The following PSMB1 variants were observed in gnomAD, a reference collection of about 807,000 sequenced individuals.
PSMB1 encodes the protein proteasome subunit beta type-1.
PSMB1 carries 7 observed loss-of-function variants against 25.4 expected under a neutral mutation model. The observed-to-expected ratio is 0.28, with a 90% CI of 0.16 to 0.52. The LOEUF (loss-of-function observed/expected upper bound fraction) is 0.52, where lower values mean the gene tolerates loss of function less well. PSMB1 is among the 20% of genes least tolerant of loss of function. The pLI, the probability that PSMB1 is intolerant of heterozygous loss-of-function variation, is 0.97. For missense variants in PSMB1, 284 were observed against 302.2 expected (o/e 0.94, Z 0.45); for synonymous variants, 119 against 115.0 (o/e 1.03, Z -0.22).
chr6:170,545,370 G>T (rs912435489), intron 3 of PSMB1, among the ~76,000 whole-genome samples: 2 of 152,062 alleles, frequency 1.3e-5, no homozygotes, highest in African/African-American at 4.8e-5. Context: ...GCCAATAAAT[G>T]TAAGTCACTA....
intron 5 of PSMB1, among the ~76,000 whole-genome samples, chr6:170,535,650 C>T (rs1778681115): frequency 1.3e-5 from 2 of 152,234 alleles, no homozygotes; most frequent in Non-Finnish European, 2.9e-5. Flanking sequence ...GAGAGGTGGA[C>T]GTATGCAAGC....
rs60162315 is a variant in PSMB1, at chr6:170,537,370, T to C, written c.434-30A>G. ...AAGAAGAAAACAGTATTCATAAGGA[T>C]GGTATCCAATCACAATCCCAAATCA... On this transcript the variant is annotated intron_variant, in intron 4 of 5. Coordinates refer to ENST00000262193, the MANE Select transcript of PSMB1 (RefSeq NM_002793.4). The C allele has an allele frequency of 4.8e-3, 7,334 of 1,524,596 alleles. 245 individuals are homozygous for C. The highest frequency in any genetic ancestry group is 0.011 in the East Asian group (481 of 44,060). 94.4% of individuals were successfully genotyped at this position (1,524,596 alleles called of 1,614,324 possible).
At chr6:170,541,367 C>T (rs748484643) in intron 4 of PSMB1, among the ~76,000 whole-genome samples, 4 of 151,960 alleles carry the variant, frequency 2.6e-5, no homozygotes, top group African/African-American at 9.7e-5. Flanking sequence ...TGCTACTTGG[C>T]GCAACAAAGA....
chr6:170,546,603 T>C (rs1198843251), intron 2 of PSMB1, among the ~76,000 whole-genome samples: 1 of 152,158 alleles, frequency 6.6e-6, no homozygotes, highest in African/African-American at 2.4e-5. Flanking sequence ...GTATCTGGGA[T>C]TACAGGCACC....
At chr6:170,551,120 T>A (rs1222675715) in intron 1 of PSMB1, among the ~76,000 whole-genome samples, 1 of 152,020 alleles carries the variant, frequency 6.6e-6, no homozygotes, top group African/African-American at 2.4e-5. Context: ...CCGGCCTGGG[T>A]GACAGAGTGA....
At chr6:170,546,693 T>C (rs1189970132) in intron 2 of PSMB1, among the ~76,000 whole-genome samples, 1 of 152,190 alleles carries the variant, frequency 6.6e-6, no homozygotes, top group Non-Finnish European at 1.5e-5. Flanking sequence ...CTCAAACTCC[T>C]GACCTCAGGT....
At chr6:170,544,143 T>C (rs998637974) in intron 3 of PSMB1, among the ~76,000 whole-genome samples, 1 of 152,182 alleles carries the variant, frequency 6.6e-6, no homozygotes, top group East Asian at 1.9e-4. Flanking sequence ...ATGAATATTG[T>C]CCGTGGCTGC....
At chr6:170,537,621 G>A (rs1359446163) in intron 4 of PSMB1, among the ~76,000 whole-genome samples, 2 of 152,048 alleles carry the variant, frequency 1.3e-5, no homozygotes, top group Non-Finnish European at 2.9e-5. Flanking sequence ...CTGTAGGCTT[G>A]GGAGTTAAAA....
At chr6:170,537,109 T>C (rs1778703649) in intron 5 of PSMB1, 125 bp downstream of exon 5, 1 of 705,664 alleles carries the variant, frequency 1.4e-6, no homozygotes, top group African/African-American at 1.8e-5. Context: ...AACAGTAATT[T>C]ATAAGAAAGT....
At chr6:170,546,713 G>T (rs182533004) in intron 2 of PSMB1, among the ~76,000 whole-genome samples, 1 of 152,258 alleles carries the variant, frequency 6.6e-6, no homozygotes, top group East Asian at 1.9e-4. Flanking sequence ...TAATCCACCT[G>T]CCTTGGCCTC....
intron 1 of PSMB1, among the ~76,000 whole-genome samples, chr6:170,550,669 TACTAATGC>T (rs1778882001): frequency 6.6e-6 from 1 of 152,240 alleles, no homozygotes; most frequent in African/African-American, 2.4e-5. Context: ...GTTCTAATAC[TACTAATGC>T]AATAGTAAGG....
Position 170,537,352 on chromosome 6 carries a change from A to C in PSMB1, c.434-12T>G, listed in dbSNP as rs1778707200. On this transcript the variant is annotated splice_polypyrimidine_tract_variant and intron_variant, in intron 4 of 5. Coordinates refer to ENST00000262193, the MANE Select transcript of PSMB1 (RefSeq NM_002793.4). Reference sequence around the variant, plus strand: ...TACAGCCCCCTTTCCTTAAAGAAGAAAACAGTATTCATAAGGATGGTATCC... The same window carrying C: ...TACAGCCCCCTTTCCTTAAAGAAGACAACAGTATTCATAAGGATGGTATCC... 6.3e-7 allele frequency: 1 copy of C among 1,593,180 alleles called. No homozygotes were observed. The highest frequency in any genetic ancestry group is 1.1e-5 in the South Asian group (1 of 90,418).
Position 170,535,195 on chromosome 6 carries a change from C to T in PSMB1, c.*25G>A, listed in dbSNP as rs1778674810. 6.2e-7 allele frequency: 1 copy of T among 1,608,666 alleles called. No individual in the cohort carries two copies. The highest frequency in any genetic ancestry group is 1.3e-5 in the African/African-American group (1 of 74,922). On this transcript the variant is annotated 3_prime_UTR_variant, in exon 6 of 6. Transcript: ENST00000262193. ...AAGTACAAAATCAACCAGGTCTGAA[C>T]TGATTGGTGATAAGAGCACACAGAT...
At chr6:170,537,816 G>C (rs1192175110) in intron 4 of PSMB1, among the ~76,000 whole-genome samples, 1 of 152,180 alleles carries the variant, frequency 6.6e-6, no homozygotes, top group African/African-American at 2.4e-5. Context: ...GGAGAACACA[G>C]AGAGAGATGG....
chr6:170,537,327 T>C lies in PSMB1; in HGVS notation c.447A>G (p.Val149=), dbSNP rs1473045467. Residue 149 remains valine (V), a synonymous_variant, in exon 5 of 6, where the codon GTA becomes GTG. Transcript: ENST00000262193. ...AAGACCCTACTGGATCAAAGCTGTA[T>C]ACAGCCCCCTTTCCTTAAAGAAGAA... The part of the protein sequence containing the change: ...GGLDEEGKGA[V]YSFDPVGSYQ... The C allele has an allele frequency of 1.2e-6, 2 of 1,613,244 alleles. No homozygotes were observed. The highest frequency in any genetic ancestry group is 1.7e-5 in the Admixed American group (1 of 59,988).
chr6:170,547,812 G>C (rs1343882119), intron 2 of PSMB1, among the ~76,000 whole-genome samples: 1 of 149,668 alleles, frequency 6.7e-6, no homozygotes, highest in Non-Finnish European at 1.5e-5. Context: ...CGTGGGATGA[G>C]GGATATATAC....
At chr6:170,536,543 C>T (rs765063308) in intron 5 of PSMB1, 1 of 453,976 alleles carries the variant, frequency 2.2e-6, no homozygotes, top group South Asian at 1.6e-5. Context: ...TCCACCACTC[C>T]AGACAGATGA....
chr6:170,551,712 A>C (rs1778905029), intron 1 of PSMB1, among the ~76,000 whole-genome samples: 1 of 152,152 alleles, frequency 6.6e-6, no homozygotes, highest in African/African-American at 2.4e-5. Context: ...GCATCCATAA[A>C]CTCAGTGGTG....
intron 1 of PSMB1, 127 bp downstream of exon 1, chr6:170,553,003 C>A: frequency 1.4e-6 from 1 of 734,752 alleles, no homozygotes; most frequent in Admixed American, 2.8e-5. Context: ...TGTGCGGACC[C>A]CCTCAGCTCA....
Sources: gnomAD v4.1 joint callset for allele counts (sites outside exome capture counted in the v4.1 genomes callset) on GRCh38, gnomAD v4.1.1 for gene constraint, MANE v1.5 for transcripts, NCBI Gene and HGNC (gene_info 2026-07-23, HGNC 2026-07-21) for gene names.